BRI3BP: variants seen among roughly 807,000 people sequenced by gnomAD.
BRI3BP encodes BRI3 binding protein.
Under a neutral mutation model 15.8 loss-of-function variants are expected in BRI3BP, and 7 were observed. The ratio of observed to expected loss-of-function variants is 0.44; its 90% CI spans 0.25 to 0.83. BRI3BP has a LOEUF of 0.83. Among genes scored for constraint, BRI3BP ranks in the 40% least tolerant of loss-of-function variants. The pLI, the probability that BRI3BP is intolerant of heterozygous loss-of-function variation, is 0.20. For missense variants in BRI3BP, 320 were observed against 339.3 expected, an observed-to-expected ratio of 0.94 and a Z score of 0.45; for synonymous variants, 192 against 163.5, an observed-to-expected ratio of 1.17 and a Z score of -1.33.
At chr12:125,039,289 TAC>T in the BRI3BP span, among the ~76,000 whole-genome samples, 6 of 152,234 alleles carry the variant, frequency 3.9e-5, no homozygotes, top group South Asian at 2.1e-4. Flanking sequence ...TGTGAAAATT[TAC>T]AGAGTTATCT....
At chr12:125,023,553 A>C (rs1357962900) in intron 2 of BRI3BP, among the ~76,000 whole-genome samples, 1 of 152,134 alleles carries the variant, frequency 6.6e-6, no homozygotes, top group Non-Finnish European at 1.5e-5. Flanking sequence ...GTAAAAGGTG[A>C]AAGTTGTCTT....
At chr12:125,033,730 GTTTTTCTGGTTT>G (rs1955422230), downstream of BRI3BP, among the ~76,000 whole-genome samples, 1 of 146,098 alleles carries the variant, frequency 6.8e-6, no homozygotes, top group Admixed American at 6.9e-5. Context: ...GTACTGTTTT[GTTTTTCTGGTTT>G]TTTTTTGTTT....
chr12:124,994,345 G>A (rs1486342408), intron 1 of BRI3BP, among the ~76,000 whole-genome samples: 1 of 152,102 alleles, frequency 6.6e-6, no homozygotes, highest in African/African-American at 2.4e-5. Flanking sequence ...CTCCTACTGT[G>A]AGCCAGGCAG....
chr12:125,003,998 C>CACACA (rs1955121168), intron 1 of BRI3BP, among the ~76,000 whole-genome samples: 1 of 15,716 alleles, frequency 6.4e-5, no homozygotes, highest in Non-Finnish European at 1.1e-4. Context: ...CACACACACA[C>CACACA]ACACAACACA....
downstream of BRI3BP, among the ~76,000 whole-genome samples, chr12:125,034,675 T>C (rs1033913691): frequency 6.6e-6 from 1 of 151,830 alleles, no homozygotes; most frequent in Non-Finnish European, 1.5e-5. Context: ...GTGCAACCTC[T>C]GCCTCCCAGT....
chr12:125,019,953 CTTTTTTTTTTTTTTT>C (rs71092263), intron 2 of BRI3BP, among the ~76,000 whole-genome samples: 1 of 75,088 alleles, frequency 1.3e-5, no homozygotes, highest in East Asian at 3.4e-4. Flanking sequence ...CAACAACAGA[CTTTTTTTTTTTTTTT>C]TTTTTTTTTG....
At chr12:125,006,710 C>T (rs1245279016) in intron 1 of BRI3BP, among the ~76,000 whole-genome samples, 1 of 152,190 alleles carries the variant, frequency 6.6e-6, no homozygotes, top group Non-Finnish European at 1.5e-5. Context: ...TGAATCCTCT[C>T]TTAGTCCCAT....
chr12:125,037,895 G>A, the BRI3BP span, among the ~76,000 whole-genome samples: 2 of 152,132 alleles, frequency 1.3e-5, no homozygotes, highest in Non-Finnish European at 2.9e-5. Flanking sequence ...GTGAGAAAGT[G>A]TAAGTACACG....
At chr12:125,037,065 G>C in the BRI3BP span, among the ~76,000 whole-genome samples, 1 of 152,216 alleles carries the variant, frequency 6.6e-6, no homozygotes, top group African/African-American at 2.4e-5. Flanking sequence ...AAAAGGCTTT[G>C]TTTTGTTTTT....
Sources: gnomAD v4.1 joint callset for allele counts (sites outside exome capture counted in the v4.1 genomes callset) on GRCh38, gnomAD v4.1.1 for gene constraint, MANE v1.5 for transcripts, NCBI Gene and HGNC (gene_info 2026-07-23, HGNC 2026-07-21) for gene names.